RBFOX1: variants seen among roughly 807,000 people sequenced by gnomAD.
RBFOX1 encodes the protein RNA binding fox-1 homolog 1, also known as RNA binding protein fox-1 homolog 1.
Under a neutral mutation model 57.7 loss-of-function variants are expected in RBFOX1, and 8 were observed. That is an observed-to-expected ratio of 0.14 (90% CI 0.08 to 0.25). The LOEUF is 0.25. Ranked by LOEUF, RBFOX1 falls within the 10% of genes least tolerant of loss-of-function variation. RBFOX1 has a pLI of 1.00. For missense variants in RBFOX1, 611 were observed against 548.5 expected (o/e 1.11, Z -1.14); for synonymous variants, 326 against 222.4 (o/e 1.47, Z -4.15).
At chr16:6,186,231 C>G (rs2097104317) in intron 1 of RBFOX1, among the ~76,000 whole-genome samples, 1 of 152,086 alleles carries the variant, frequency 6.6e-6, no homozygotes, top group African/African-American at 2.4e-5. Flanking sequence ...AAAACTCAGT[C>G]ATTTATAGAC....
intron 9 of RBFOX1, among the ~76,000 whole-genome samples, chr16:7,601,294 C>G (rs2095008931): frequency 6.6e-6 from 1 of 152,162 alleles, no homozygotes; most frequent in Non-Finnish European, 1.5e-5. Flanking sequence ...GGAACTACAT[C>G]ACAGTTCTTT....
At chr16:7,684,391 G>A (rs530574190) in intron 14 of RBFOX1, among the ~76,000 whole-genome samples, 4 of 151,912 alleles carry the variant, frequency 2.6e-5, no homozygotes, top group South Asian at 4.2e-4. Flanking sequence ...AATAGAAGGA[G>A]TAACTAGTCA....
rs553363880 is a variant in RBFOX1, at chr16:5,929,006, C to G, written c.351+61671C>G. On this transcript the variant is annotated intron_variant, in intron 4 of 19. Coordinates refer to the RBFOX1 transcript ENST00000641259. ...GTGAGCTGGTCCCTAAGGCCACTTT[C>G]AAAGTGTTTAAAGCTTCTTTCCAAT... Among the ~76,000 whole-genome samples, 10 of 130,438 alleles carry G rather than the reference C, an allele frequency of 7.7e-5. No individual in the cohort carries two copies. The South Asian group carries it at 1.2e-3, about 16-fold the overall frequency. The allele number at this position is 130,438 out of a possible 152,430, so 85.6% of individuals were successfully genotyped here.
intron 4 of RBFOX1, among the ~76,000 whole-genome samples, chr16:7,313,679 C>G (rs971203906): frequency 6.8e-6 from 1 of 147,162 alleles, no homozygotes; most frequent in Non-Finnish European, 1.5e-5. Flanking sequence ...CGAATAAGCA[C>G]TTTTACATGG....
At chr16:7,017,893 G>T (rs1454673926) in intron 3 of RBFOX1, among the ~76,000 whole-genome samples, 1 of 152,130 alleles carries the variant, frequency 6.6e-6, no homozygotes, top group Non-Finnish European at 1.5e-5. Flanking sequence ...AGCAACAACA[G>T]AGAGATGAAA....
At chr16:6,965,318 TGTGTGTGTGTGTGTGTGTG>T (rs1451135424) in intron 3 of RBFOX1, among the ~76,000 whole-genome samples, 2 of 926 alleles carry the variant, frequency 2.2e-3, no homozygotes, top group East Asian at 0.059. Context: ...TCTTTTGTTG[TGTGTGTGTGTGTGTGTGTG>T]TGTGTGTGTG....
intron 1 of RBFOX1, among the ~76,000 whole-genome samples, chr16:6,154,309 A>G (rs1370695935): frequency 2.6e-5 from 4 of 152,246 alleles, no homozygotes; most frequent in African/African-American, 9.6e-5. Context: ...TCACTTTTGC[A>G]CCAAGTTAGT....
At chr16:5,803,965 C>G (rs142263742) in intron 3 of RBFOX1, among the ~76,000 whole-genome samples, 96 of 152,308 alleles carry the variant, frequency 6.3e-4, no homozygotes, top group African/African-American at 2.0e-3. Context: ...CCCTACTTGT[C>G]AAACTCCTAC....
At chr16:7,473,999 A>G (rs2151005482) in intron 4 of RBFOX1, among the ~76,000 whole-genome samples, 1 of 152,026 alleles carries the variant, frequency 6.6e-6, no homozygotes, top group East Asian at 1.9e-4. Flanking sequence ...CATTAAAAAC[A>G]GCCCCCCGGC....
intron 1 of RBFOX1, among the ~76,000 whole-genome samples, chr16:5,283,113 C>G (rs949511020): frequency 5.9e-5 from 9 of 152,212 alleles, no homozygotes; most frequent in African/African-American, 2.2e-4. Flanking sequence ...AAGCCCCAAG[C>G]CTTAGCAGCT....
rs57556084 is a variant in RBFOX1 at position 6,925,109 on chromosome 16, G to GTTTTTTTTTTTTTTTTT, written c.-15-126922_-15-126906dup. Among the ~76,000 whole-genome samples, 10 of 45,250 alleles carry GTTTTTTTTTTTTTTTTT rather than the reference G, an allele frequency of 2.2e-4. 1 individual carries two copies. The highest frequency in any genetic ancestry group is 7.1e-4 in the African/African-American group (8 of 11,332). 29.7% of individuals were successfully genotyped at this position (45,250 alleles called of 152,430 possible). On this transcript the variant is annotated intron_variant, in intron 3 of 15. Transcript: ENST00000550418. ...TCGTTGTTGGACATCTAGGTTGTTG[G>GTTTTTTTTTTTTTTTTT]TTTTTTTTTTTTTTTTTTTTTTTTT...
At chr16:6,706,748 T>C (rs1568296723) in intron 3 of RBFOX1, among the ~76,000 whole-genome samples, 1 of 150,392 alleles carries the variant, frequency 6.6e-6, no homozygotes, top group Non-Finnish European at 1.5e-5. Context: ...GTGGCAGAGT[T>C]CCAATCTTAC....
At chr16:7,388,075 T>C (rs1006772543) in intron 4 of RBFOX1, among the ~76,000 whole-genome samples, 5 of 152,138 alleles carry the variant, frequency 3.3e-5, no homozygotes, top group African/African-American at 9.7e-5. Context: ...ATCCAAAAAA[T>C]TGTTTCTTTT....
chr16:6,366,088 T>C (rs868788823), intron 2 of RBFOX1, among the ~76,000 whole-genome samples: 55,510 of 139,230 alleles, frequency 0.4, 11,145 homozygotes, highest in Middle Eastern at 0.51. Flanking sequence ...CCATTCTATG[T>C]GTGTGTGTGT....
intron 4 of RBFOX1, among the ~76,000 whole-genome samples, chr16:5,943,233 A>T (rs896640361): frequency 3.3e-5 from 5 of 152,158 alleles, no homozygotes; most frequent in African/African-American, 1.2e-4. Context: ...AATTGTTTAA[A>T]AGTGCAGTTT....
chr16:6,824,616 A>G (rs1320910649), intron 3 of RBFOX1, among the ~76,000 whole-genome samples: 2 of 152,172 alleles, frequency 1.3e-5, no homozygotes, highest in African/African-American at 4.8e-5. Context: ...TTGTCAACAG[A>G]TTACTCTGAA....
chr16:5,504,072 C>G (rs1234174807), intron 2 of RBFOX1, among the ~76,000 whole-genome samples: 2 of 152,218 alleles, frequency 1.3e-5, no homozygotes, highest in Non-Finnish European at 2.9e-5. Context: ...TCTGGAGCAG[C>G]ATCTCCAGAG....
intron 3 of RBFOX1, among the ~76,000 whole-genome samples, chr16:6,824,983 GTTTTTTTTTTTTTTTT>G (rs151177772): frequency 1.9e-4 from 7 of 36,912 alleles, no homozygotes; most frequent in African/African-American, 4.3e-4. Context: ...TTCTTTCTTG[GTTTTTTTTTTTTTTTT>G]TTTTTTTTTT....
intron 3 of RBFOX1, among the ~76,000 whole-genome samples, chr16:6,755,368 T>C (rs541329252): frequency 2.3e-4 from 35 of 152,250 alleles, no homozygotes; most frequent in Non-Finnish European, 4.1e-4. Context: ...GCACCTGTTG[T>C]TTCCTGACTT....
Sources: gnomAD v4.1 joint callset for allele counts (sites outside exome capture counted in the v4.1 genomes callset) on GRCh38, gnomAD v4.1.1 for gene constraint, MANE v1.5 for transcripts, NCBI Gene and HGNC (gene_info 2026-07-23, HGNC 2026-07-21) for gene names.